The following EPHA3 variants were observed in gnomAD, a reference collection of about 807,000 sequenced individuals.
EPHA3 encodes the protein ephrin type-A receptor 3.
Under a neutral mutation model 107.1 loss-of-function variants are expected in EPHA3, and 42 were observed. That is an observed-to-expected ratio of 0.39 (90% CI 0.31 to 0.51). The LOEUF is 0.51. EPHA3 is among the 20% of genes least tolerant of loss of function. EPHA3 has a pLI of 0.78. For missense variants in EPHA3, 1,183 were observed against 1,211.2 expected (o/e 0.98, Z 0.35); for synonymous variants, 461 against 424.8 (o/e 1.09, Z -1.05).
chr3:89,169,140 A>G (rs1293742117), intron 2 of EPHA3, among the ~76,000 whole-genome samples: 2 of 152,154 alleles, frequency 1.3e-5, no homozygotes, highest in East Asian at 3.8e-4. Flanking sequence ...AAAGAATTAG[A>G]CTTATTTTTT....
chr3:89,234,274 G>C (rs1484793422), intron 3 of EPHA3, among the ~76,000 whole-genome samples: 1 of 152,112 alleles, frequency 6.6e-6, no homozygotes, highest in African/African-American at 2.4e-5. Flanking sequence ...CAACAGAAAG[G>C]AGAACTTACT....
intron 15 of EPHA3, among the ~76,000 whole-genome samples, chr3:89,471,816 A>G (rs977313777): frequency 1.3e-5 from 2 of 152,158 alleles, no homozygotes; most frequent in African/African-American, 4.8e-5. Flanking sequence ...TATAATGTAT[A>G]TATCATGAAT....
intron 13 of EPHA3, among the ~76,000 whole-genome samples, chr3:89,441,656 C>T (rs1458496259): frequency 1.3e-5 from 2 of 152,026 alleles, no homozygotes; most frequent in African/African-American, 4.8e-5. Context: ...AAAAAAATAA[C>T]ACTCATGCAA....
At chr3:89,412,903 G>A (rs565709210) in intron 9 of EPHA3, among the ~76,000 whole-genome samples, 2 of 151,592 alleles carry the variant, frequency 1.3e-5, no homozygotes, top group East Asian at 2.0e-4. Context: ...TGATGTTTTT[G>A]CAAAGAAAGC....
intron 3 of EPHA3, among the ~76,000 whole-genome samples, chr3:89,213,796 G>A (rs531639043): frequency 6.6e-6 from 1 of 151,982 alleles, no homozygotes; most frequent in South Asian, 2.1e-4. Flanking sequence ...TAAAGCATTG[G>A]CTCACCTCGT....
At chr3:89,283,961 C>T (rs1706010226) in intron 3 of EPHA3, among the ~76,000 whole-genome samples, 1 of 151,970 alleles carries the variant, frequency 6.6e-6, no homozygotes, top group Admixed American at 6.6e-5. Flanking sequence ...GAATACTAAA[C>T]ATGAATACAG....
intron 3 of EPHA3, among the ~76,000 whole-genome samples, chr3:89,243,165 T>C (rs1355939817): frequency 1.3e-5 from 2 of 152,090 alleles, no homozygotes; most frequent in Non-Finnish European, 2.9e-5. Context: ...TGATGGACAT[T>C]TGGGTTGGTT....
intron 5 of EPHA3, among the ~76,000 whole-genome samples, chr3:89,347,791 C>G (rs1380165154): frequency 6.6e-6 from 1 of 150,720 alleles, no homozygotes; most frequent in Non-Finnish European, 1.5e-5. Flanking sequence ...TACGTCCCAT[C>G]AATACCTAAT....
rs148467332 is a variant in EPHA3 at position 89,286,406 on chromosome 3, G to T, written c.815-54510G>T. Among the ~76,000 whole-genome samples, 542 of 152,114 alleles carry T rather than the reference G, an allele frequency of 3.6e-3. 3 individuals are homozygous for T. The highest frequency in any genetic ancestry group is 0.012 in the African/African-American group (482 of 41,502). ...CATCATCTGATTAATGTTTCCTCTG[G>T]CTCTGTGTTGGAATTAAACGGTACA... On this transcript the variant is annotated intron_variant, in intron 3 of 16. Transcript: ENST00000336596.
At chr3:89,151,295 T>C (rs1474630891) in intron 2 of EPHA3, among the ~76,000 whole-genome samples, 4 of 152,114 alleles carry the variant, frequency 2.6e-5, no homozygotes, top group Non-Finnish European at 5.9e-5. Context: ...TTCACTGGAC[T>C]TCTAAGATAC....
chr3:89,184,056 ATTCGGAGC>A (rs1705504744), intron 2 of EPHA3, among the ~76,000 whole-genome samples: 1 of 151,818 alleles, frequency 6.6e-6, no homozygotes, highest in African/African-American at 2.4e-5. Context: ...TATTCACATG[ATTCGGAGC>A]AGTGTTTGGA....
chr3:89,159,587 G>T (rs376492656), intron 2 of EPHA3, among the ~76,000 whole-genome samples: 1 of 152,118 alleles, frequency 6.6e-6, no homozygotes, highest in Non-Finnish European at 1.5e-5. Flanking sequence ...AGAGTTCTGG[G>T]CAGGAATAGT....
At chr3:89,163,270 A>G (rs1316772845) in intron 2 of EPHA3, among the ~76,000 whole-genome samples, 1 of 152,192 alleles carries the variant, frequency 6.6e-6, no homozygotes, top group African/African-American at 2.4e-5. Flanking sequence ...CCTAGTACAT[A>G]GTGAGCATTT....
At chr3:89,404,115 G>A (rs1709011276) in intron 7 of EPHA3, among the ~76,000 whole-genome samples, 1 of 152,050 alleles carries the variant, frequency 6.6e-6, no homozygotes, top group Non-Finnish European at 1.5e-5. Flanking sequence ...TTGTTTTGAA[G>A]AGTAAAAATG....
At chr3:89,242,498 C>T (rs1359627462) in intron 3 of EPHA3, among the ~76,000 whole-genome samples, 20 of 152,140 alleles carry the variant, frequency 1.3e-4, no homozygotes, top group Admixed American at 1.1e-3. Flanking sequence ...AGTGCAGTGG[C>T]ATGATCTCGG....
In EPHA3 at chr3:89,480,241, A is replaced by G. The variant is rs1254776783; in HGVS notation, c.*739A>G. ...CCAAATGCTCTCTCAAATTGTCAGC[A>G]ATTTAACTAGACACAGATAATAATG... On this transcript the variant is annotated 3_prime_UTR_variant, in exon 17 of 17. Transcript: ENST00000336596. The G allele has an allele frequency of 4.3e-6, 1 of 232,984 alleles. No individual in the cohort carries two copies. Among genetic ancestry groups the G allele is most frequent in the African/African-American group, 2.2e-5 (1 of 45,322 alleles). 14.4% of individuals were successfully genotyped at this position (232,984 alleles called of 1,614,324 possible).
intron 7 of EPHA3, among the ~76,000 whole-genome samples, chr3:89,405,750 T>C (rs6551411): frequency 6.6e-6 from 1 of 152,120 alleles, no homozygotes; most frequent in Non-Finnish European, 1.5e-5. Context: ...GAGGTATTCA[T>C]GTACTTAATC....
rs1709151848 is a variant in EPHA3 at position 89,411,386 on chromosome 3, T to C, written c.1763-1755T>C. Among the ~76,000 whole-genome samples the C allele has an allele frequency of 3.3e-5, 5 of 152,022 alleles. No individual in the cohort carries two copies. The East Asian group carries it at 9.7e-4, about 30-fold the overall frequency. ...GCCTCAAGCTGGATAGCAGCTGCTC[T>C]TTTGTTGTAGCTGTATCAGCACCAG... On this transcript the variant is annotated intron_variant, in intron 9 of 16. Coordinates refer to ENST00000336596, the MANE Select transcript of EPHA3 (RefSeq NM_005233.6).
At chr3:89,403,437 G>C (rs1291824931) in intron 7 of EPHA3, among the ~76,000 whole-genome samples, 1 of 151,868 alleles carries the variant, frequency 6.6e-6, no homozygotes, top group East Asian at 1.9e-4. Flanking sequence ...GTCAGATGGG[G>C]CAACAAACCT....
Sources: gnomAD v4.1 joint callset for allele counts (sites outside exome capture counted in the v4.1 genomes callset) on GRCh38, gnomAD v4.1.1 for gene constraint, MANE v1.5 for transcripts, NCBI Gene and HGNC (gene_info 2026-07-23, HGNC 2026-07-21) for gene names.